The following WRN variants were observed in gnomAD, a reference collection of about 807,000 sequenced individuals.
The protein encoded by WRN is WRN RecQ like helicase, also known as bifunctional 3'-5' exonuclease/ATP-dependent helicase WRN.
In WRN, 149 loss-of-function variants were observed where a neutral mutation model predicts 180.7. The observed-to-expected ratio is 0.82, with a 90% CI of 0.72 to 0.94. WRN has a LOEUF of 0.94. Among genes scored for constraint, WRN ranks in the 40% least tolerant of loss-of-function variants. The probability of loss-of-function intolerance (pLI) is 0.00; values close to 1 mark genes in which losing one functional copy is unlikely to be tolerated. For missense variants in WRN, 1,661 were observed against 1,700.1 expected (o/e 0.98, Z 0.40); for synonymous variants, 548 against 568.9 (o/e 0.96, Z 0.52).
At chr8:31,075,969 T>C (rs950667738) in intron 7 of WRN, among the ~76,000 whole-genome samples, 3 of 152,212 alleles carry the variant, frequency 2.0e-5, no homozygotes, top group Non-Finnish European at 4.4e-5. Flanking sequence ...CATTTGGAAT[T>C]TACTTTAAAT....
At chr8:31,069,488 T>TA (rs1812828594) in intron 7 of WRN, among the ~76,000 whole-genome samples, 1 of 152,166 alleles carries the variant, frequency 6.6e-6, no homozygotes, top group South Asian at 2.1e-4. Flanking sequence ...TTCACAGTTT[T>TA]AAAAAAGGAA....
At chr8:31,116,235 T>C in intron 19 of WRN, 119 bp from the exon 20 acceptor site, 1 of 1,036,964 alleles carries the variant, frequency 9.6e-7, no homozygotes, top group African/African-American at 1.6e-5. Context: ...TGATAGGCTT[T>C]CTTCCTTTAG....
chr8:31,098,032 A>G (rs1376398243), intron 17 of WRN, among the ~76,000 whole-genome samples: 1 of 152,206 alleles, frequency 6.6e-6, no homozygotes, highest in Non-Finnish European at 1.5e-5. Context: ...TTTTCCAACA[A>G]TGTAATGAAA....
At chr8:31,096,208 C>CT (rs1269708467) in intron 16 of WRN, among the ~76,000 whole-genome samples, 1 of 152,184 alleles carries the variant, frequency 6.6e-6, no homozygotes, top group Non-Finnish European at 1.5e-5. Flanking sequence ...GACACTTAAA[C>CT]TTATCTGTTG....
intron 1 of WRN, among the ~76,000 whole-genome samples, chr8:31,054,872 C>T (rs1344229864): frequency 6.6e-6 from 1 of 152,178 alleles, no homozygotes; most frequent in Non-Finnish European, 1.5e-5. Flanking sequence ...CATACATTAG[C>T]TGTTTTTCCT....
chr8:31,063,445 A>G (rs1005513202), intron 3 of WRN, among the ~76,000 whole-genome samples: 1 of 152,228 alleles, frequency 6.6e-6, no homozygotes, highest in East Asian at 1.9e-4. Flanking sequence ...ACATGTCTGT[A>G]CACATCTGAG....
chr8:31,050,935 T>C (rs1812055316), intron 1 of WRN, among the ~76,000 whole-genome samples: 2 of 152,172 alleles, frequency 1.3e-5, no homozygotes, highest in Admixed American at 6.5e-5. Context: ...TAAAATAGTA[T>C]TGAACCATTT....
intron 16 of WRN, among the ~76,000 whole-genome samples, chr8:31,094,777 A>G (rs574659389): frequency 6.6e-6 from 1 of 152,332 alleles, no homozygotes; most frequent in East Asian, 1.9e-4. Flanking sequence ...TCCACTTAGC[A>G]TAGTGATATC....
Position 31,124,525 on chromosome 8 carries a change from C to T in WRN, c.2634C>T (p.His878=). ...CTGTGATGTTTTTAATCGACAGGCACCTTCTTACTGAGATACGTAATGAGA... is the reference window on the plus strand; with the variant it reads ...CTGTGATGTTTTTAATCGACAGGCATCTTCTTACTGAGATACGTAATGAGA... ...WAPADINLNR[H]LLTEIRNEKF... is the part of the protein sequence containing the mutation. Residue 878 remains histidine (H), a synonymous_variant, in exon 22 of 35, where the codon CAC becomes CAT. Transcript: ENST00000298139. The T allele has an allele frequency of 3.1e-6, 5 of 1,610,998 alleles. No homozygotes were observed. The highest frequency in any genetic ancestry group is 1.1e-5 in the South Asian group (1 of 90,942).
At chr8:31,123,544 C>A (rs1051237715) in intron 21 of WRN, among the ~76,000 whole-genome samples, 2 of 151,956 alleles carry the variant, frequency 1.3e-5, no homozygotes, top group South Asian at 4.1e-4. Context: ...TTTTGAATAA[C>A]GGATCATTTG....
intron 21 of WRN, among the ~76,000 whole-genome samples, chr8:31,121,013 A>G (rs1215871725): frequency 1.3e-5 from 2 of 152,022 alleles, no homozygotes; most frequent in Non-Finnish European, 2.9e-5. Flanking sequence ...AGTGTTCAGT[A>G]TCTAAGTGCA....
chr8:31,081,301 TA>T lies in WRN; in HGVS notation c.1269+8del. On this transcript the variant is annotated splice_donor_region_variant and intron_variant, in intron 9 of 34. Transcript: ENST00000298139. ...ATTGCTTATAAATCTACTGAGGTACTAAATAAAGAGGAAGCACATTTTTAGT... is the reference window on the plus strand; with the variant it reads ...ATTGCTTATAAATCTACTGAGGTACTAATAAAGAGGAAGCACATTTTTAGT... 1 of 1,613,020 alleles carries T rather than the reference TA, an allele frequency of 6.2e-7. No individual in the cohort carries two copies. The highest frequency in any genetic ancestry group is 8.5e-7 in the Non-Finnish European group (1 of 1,179,322).
chr8:31,087,688 C>T (rs1014476460), intron 11 of WRN, 88 bp from the exon 12 acceptor site: 1 of 1,364,916 alleles, frequency 7.3e-7, no homozygotes, highest in African/African-American at 1.4e-5. Context: ...AAATTGTAGG[C>T]CCTGTTAATA....
chr8:31,092,135 G>T (rs1388257094), intron 16 of WRN, among the ~76,000 whole-genome samples: 1 of 151,918 alleles, frequency 6.6e-6, no homozygotes, highest in East Asian at 1.9e-4. Flanking sequence ...ACCTTTGCAG[G>T]ACTGTTACTT....
At position 31,141,768 on chromosome 8, in the gene WRN, C is replaced by T; in HGVS notation, c.3226C>T (p.Leu1076=). Residue 1076 remains leucine (L), a synonymous_variant, in exon 26 of 35, where the codon CTG becomes TTG. Coordinates refer to ENST00000298139, the MANE Select transcript of WRN (RefSeq NM_000553.6). ...AGAATTGTGTCCAAAGAAGTTGCTT[C>T]TGCCTAGGTTCATTTTTCAGTTTTT... The part of the protein sequence containing the change: ...NEELCPKKLL[L]PSSKTVSSGT... 1.9e-6 allele frequency: 3 copies of T among 1,613,828 alleles called. No individual in the cohort carries two copies. Among genetic ancestry groups the T allele is most frequent in the Non-Finnish European group, 2.5e-6 (3 of 1,179,926 alleles).
intron 29 of WRN, 55 bp downstream of exon 29, chr8:31,147,183 G>A: frequency 6.4e-7 from 1 of 1,555,496 alleles, no homozygotes; most frequent in South Asian, 1.1e-5. Flanking sequence ...ATGATTCTAT[G>A]TATGCTTAAA....
intron 18 of WRN, among the ~76,000 whole-genome samples, chr8:31,105,289 A>G (rs945434249): frequency 6.6e-6 from 1 of 152,058 alleles, no homozygotes; most frequent in African/African-American, 2.4e-5. Flanking sequence ...GTCACATAGG[A>G]CAGCACACAC....
In WRN at chr8:31,141,299, A is replaced by G. The variant is rs569845009; in HGVS notation, c.2968-131A>G. On this transcript the variant is annotated intron_variant, in intron 24 of 34. Transcript: ENST00000298139. ...AGTGTTCAGAATGAGCACGATGGGTATAACATTTTTGTAGGTTTTTAAAGT... is the reference window on the plus strand; with the variant it reads ...AGTGTTCAGAATGAGCACGATGGGTGTAACATTTTTGTAGGTTTTTAAAGT... 2.7e-6 allele frequency: 3 copies of G among 1,110,828 alleles called. No individual in the cohort carries two copies. In the South Asian group the frequency reaches 4.2e-5, roughly 16 times the overall value. 68.8% of individuals were successfully genotyped at this position (1,110,828 alleles called of 1,614,324 possible).
At position 31,161,838 on chromosome 8, in the gene WRN, CAA is replaced by C. The variant is rs1157979302; in HGVS notation, c.3982+4325_3982+4326del. ...TGGGAGACAGAGCGAGACTCTGTCT[CAA>C]AAAAAAAAAAAAAAAAGAGATAAAA... On this transcript the variant is annotated intron_variant, in intron 33 of 34. Coordinates refer to ENST00000298139, the MANE Select transcript of WRN (RefSeq NM_000553.6). 2.4e-3 allele frequency among the ~76,000 whole-genome samples: 237 copies of C among 97,802 alleles called. 1 individual carries two copies. Among genetic ancestry groups the C allele is most frequent in the African/African-American group, 8.7e-3 (216 of 24,710 alleles). 64.2% of individuals were successfully genotyped at this position (97,802 alleles called of 152,430 possible). A position where few individuals can be genotyped will look rare whatever the true frequency, so the allele number is the denominator to read the frequency against.
Sources: allele counts gnomAD v4.1 joint callset (sites outside exome capture counted in the v4.1 genomes callset), GRCh38; gene constraint gnomAD v4.1.1; transcripts MANE v1.5; gene names NCBI Gene and HGNC (gene_info 2026-07-23, HGNC 2026-07-21).